SH3BP4: variants seen among roughly 807,000 people sequenced by gnomAD.
The protein encoded by SH3BP4 is SH3 domain-binding protein 4.
Under a neutral mutation model 65.5 loss-of-function variants are expected in SH3BP4, and 33 were observed. The observed-to-expected ratio is 0.50, with a 90% CI of 0.38 to 0.67. The LOEUF (loss-of-function observed/expected upper bound fraction) is 0.67, where lower values mean the gene tolerates loss of function less well. Among genes scored for constraint, SH3BP4 ranks in the 30% least tolerant of loss-of-function variants. The probability of loss-of-function intolerance (pLI) is 0.00; values close to 1 mark genes in which losing one functional copy is unlikely to be tolerated. For synonymous variants in SH3BP4, 552 were observed against 545.5 expected, an observed-to-expected ratio of 1.01 and a Z score of -0.17; for missense variants, 1,134 against 1,261.4, an observed-to-expected ratio of 0.90 and a Z score of 1.53.
rs377447466 is a variant in SH3BP4 at position 235,040,576 on chromosome 2, G to A, written c.119-312G>A. Among the ~76,000 whole-genome samples the A allele has an allele frequency of 2.6e-5, 4 of 151,384 alleles. No homozygotes were observed. In the East Asian group the frequency reaches 5.8e-4, roughly 22 times the overall value. ...GAAGAATTTTAACGTTGCCCAAAAT[G>A]AGATGTTTAGGGCGTAGGGCATGTT... On this transcript the variant is annotated intron_variant, in intron 3 of 5. Transcript: ENST00000392011.
intron 2 of SH3BP4, among the ~76,000 whole-genome samples, chr2:235,005,606 C>A (rs1694269161): frequency 1.3e-5 from 2 of 152,328 alleles, no homozygotes; most frequent in Admixed American, 1.3e-4. Flanking sequence ...AGCTGCTGAA[C>A]CCCCGCCTCC....
At chr2:235,023,104 C>A (rs976043510) in intron 2 of SH3BP4, among the ~76,000 whole-genome samples, 5 of 152,152 alleles carry the variant, frequency 3.3e-5, no homozygotes, top group African/African-American at 1.2e-4. Flanking sequence ...GTTAGATCCA[C>A]CAGGATTAGT....
At chr2:235,017,231 C>T (rs1173205372) in intron 2 of SH3BP4, among the ~76,000 whole-genome samples, 3 of 151,494 alleles carry the variant, frequency 2.0e-5, no homozygotes, top group Non-Finnish European at 4.4e-5. Context: ...GGGTGGATCA[C>T]GAGGTCAGGA....
At chr2:234,994,202 A>G (rs900838864) in intron 1 of SH3BP4, among the ~76,000 whole-genome samples, 1 of 152,154 alleles carries the variant, frequency 6.6e-6, no homozygotes, top group African/African-American at 2.4e-5. Flanking sequence ...GTGTGAGTTG[A>G]AGCCCTGAGA....
rs1344953884 is a variant in SH3BP4 at position 235,026,392 on chromosome 2, G to C, written c.-132-8479G>C. 3.9e-5 allele frequency among the ~76,000 whole-genome samples: 6 copies of C among 152,144 alleles called. No homozygotes were observed. Among genetic ancestry groups the C allele is most frequent in the Non-Finnish European group, 8.8e-5 (6 of 68,034 alleles). Reference sequence around the variant, plus strand: ...GGCCCTTGTTTTCCCCGCATCTCTGGAGTCTGAGTCACCAGCTTGGCACCC... The same window carrying C: ...GGCCCTTGTTTTCCCCGCATCTCTGCAGTCTGAGTCACCAGCTTGGCACCC... On this transcript the variant is annotated intron_variant, in intron 2 of 5. Transcript: ENST00000392011. The surrounding 1 kb of genome is among the most constrained non-coding windows in gnomAD (Gnocchi z 4.6).
At position 235,041,802 on chromosome 2, in the gene SH3BP4, C is replaced by A; in HGVS notation, c.1033C>A (p.His345Asn). Residue 345 changes from histidine to asparagine, a missense_variant, in exon 4 of 6, where the codon CAC (histidine) becomes AAC (asparagine). Physicochemically the swap from His to Asn is moderately conservative, Grantham distance 68. Coordinates refer to ENST00000392011, the MANE Select transcript of SH3BP4 (RefSeq NM_014521.3). This position sits in a 1 kb window ranked among gnomAD's most constrained non-coding sequence, Gnocchi z 6.0. ...TSISIHVPEGHVAPGETQQIS... is the reference protein window; with the variant it reads ...TSISIHVPEGNVAPGETQQIS... ...CATCAGCATCCACGTGCCCGAGGGC[C>A]ACGTCGCCCCTGGGGAGACCCAGCA... 6.3e-7 allele frequency: 1 copy of A among 1,594,864 alleles called. No individual in the cohort carries two copies. The highest frequency in any genetic ancestry group is 1.1e-5 in the South Asian group (1 of 88,824).
intron 1 of SH3BP4, among the ~76,000 whole-genome samples, chr2:234,955,190 C>G (rs1692558228): frequency 6.6e-6 from 1 of 152,128 alleles, no homozygotes; most frequent in African/African-American, 2.4e-5. Flanking sequence ...GGTCACCGAT[C>G]ACTAAATAGA....
intron 1 of SH3BP4, among the ~76,000 whole-genome samples, chr2:234,959,714 C>A (rs769114746): frequency 1.3e-5 from 2 of 149,840 alleles, no homozygotes; most frequent in Non-Finnish European, 2.9e-5. Context: ...TGCAATGGCA[C>A]GATCTCGGCT....
At chr2:234,953,642 C>T (rs1417585058) in intron 1 of SH3BP4, among the ~76,000 whole-genome samples, 1 of 152,158 alleles carries the variant, frequency 6.6e-6, no homozygotes, top group Non-Finnish European at 1.5e-5. Flanking sequence ...GGGTGGTTTG[C>T]AGAGCGTTTT....
At position 234,976,254 on chromosome 2, in the gene SH3BP4, T is replaced by C. The variant is rs1693165720; in HGVS notation, c.-206-19049T>C. On this transcript the variant is annotated intron_variant, in intron 1 of 5. Transcript: ENST00000392011. This position sits in a 1 kb window ranked among gnomAD's most constrained non-coding sequence, Gnocchi z 4.7. ...GCCCACCTGGCCAGGTTTGAAGGGC[T>C]TGGGCAGGACAGGTGGTATCTGGGC... Among the ~76,000 whole-genome samples, 1 of 152,188 alleles carries C rather than the reference T, an allele frequency of 6.6e-6. No homozygotes were observed. Among genetic ancestry groups the C allele is most frequent in the Non-Finnish European group, 1.5e-5 (1 of 68,030 alleles).
rs1171887560 is a variant in SH3BP4, at chr2:234,967,994, G to C, written c.-207+15824G>C. ...GCACCTGCTGGGTTTCCTGCCACCT[G>C]TGGAGAAGCCCGCTCCTTCCCTTGC... On this transcript the variant is annotated intron_variant, in intron 1 of 5. Coordinates refer to ENST00000392011, the MANE Select transcript of SH3BP4 (RefSeq NM_014521.3). The surrounding 1 kb of genome is among the most constrained non-coding windows in gnomAD (Gnocchi z 4.6). Among the ~76,000 whole-genome samples the C allele has an allele frequency of 1.3e-5, 2 of 152,138 alleles. No individual in the cohort carries two copies. Among genetic ancestry groups the C allele is most frequent in the Non-Finnish European group, 2.9e-5 (2 of 68,020 alleles).
At chr2:235,025,691 G>C (rs1343421784) in intron 2 of SH3BP4, among the ~76,000 whole-genome samples, 2 of 152,238 alleles carry the variant, frequency 1.3e-5, no homozygotes, top group Non-Finnish European at 2.9e-5. Context: ...AAAATAACAA[G>C]CACGATGAAC....
rs534496552 is a variant in SH3BP4, at chr2:235,011,968, C to T, written c.-133+16592C>T. 3.3e-5 allele frequency among the ~76,000 whole-genome samples: 5 copies of T among 152,310 alleles called. No individual in the cohort carries two copies. The South Asian group carries it at 1.0e-3, about 32-fold the overall frequency. The stretch of plus-strand genomic sequence containing the variant: ...AGGCATAGCCCTTGCTGACCCGGAG[C>T]ACACAGCTTGGCTGGAGAGACACAC... On this transcript the variant is annotated intron_variant, in intron 2 of 5. Transcript: ENST00000392011.
intron 2 of SH3BP4, among the ~76,000 whole-genome samples, chr2:235,018,128 C>G (rs1694746189): frequency 2.0e-5 from 3 of 152,112 alleles, no homozygotes; most frequent in African/African-American, 7.2e-5. Context: ...TAGCCAAACC[C>G]TTGGTGTGGG....
intron 1 of SH3BP4, among the ~76,000 whole-genome samples, chr2:234,986,973 T>C (rs1261994477): frequency 6.6e-6 from 1 of 152,102 alleles, no homozygotes; most frequent in African/African-American, 2.4e-5. Context: ...GGTTTCACCA[T>C]GTTGGTCAGG....
intron 1 of SH3BP4, among the ~76,000 whole-genome samples, chr2:234,971,607 G>A (rs1446884492): frequency 1.3e-5 from 2 of 152,040 alleles, no homozygotes; most frequent in Admixed American, 6.6e-5. Flanking sequence ...CATTTCCGTC[G>A]ACAGTGTACA....
rs115967298 is a variant in SH3BP4 at position 235,040,668 on chromosome 2, C to T, written c.119-220C>T. Reference sequence around the variant, plus strand: ...AGAGGCTCCTCTGTGGTCTTTCTGCCGGACATAGGCTGTCGATTTTGAAGG... The same window carrying T: ...AGAGGCTCCTCTGTGGTCTTTCTGCTGGACATAGGCTGTCGATTTTGAAGG... On this transcript the variant is annotated intron_variant, in intron 3 of 5. Transcript: ENST00000392011. 2.5e-3 allele frequency among the ~76,000 whole-genome samples: 376 copies of T among 151,886 alleles called. 3 individuals are homozygous for T. The highest frequency in any genetic ancestry group is 8.7e-3 in the African/African-American group (359 of 41,400).
chr2:235,027,051 C>T (rs1441534490), intron 2 of SH3BP4, among the ~76,000 whole-genome samples: 3 of 152,324 alleles, frequency 2.0e-5, no homozygotes, highest in East Asian at 3.9e-4. Context: ...CTGTAACAGG[C>T]GGGGCATCTG....
At chr2:235,025,929 G>A (rs1322363505) in intron 2 of SH3BP4, among the ~76,000 whole-genome samples, 1 of 152,218 alleles carries the variant, frequency 6.6e-6, no homozygotes, top group Non-Finnish European at 1.5e-5. Context: ...GGAAGAAACA[G>A]TAGCTGTGTT....
Sources: gnomAD v4.1 joint callset for allele counts (sites outside exome capture counted in the v4.1 genomes callset) on GRCh38, gnomAD v4.1.1 for gene constraint, Gnocchi (gnomAD v3.1) non-coding constraint, MANE v1.5 for transcripts, NCBI Gene and HGNC (gene_info 2026-07-23, HGNC 2026-07-21) for gene names.